HAO2: variants seen among roughly 807,000 people sequenced by gnomAD.
HAO2 encodes hydroxyacid oxidase 2.
HAO2 carries 42 observed loss-of-function variants against 37.4 expected under a neutral mutation model. The ratio of observed to expected loss-of-function variants is 1.12; its 90% confidence interval spans 0.88 to 1.45. The LOEUF is 1.45. HAO2 is among the 40% of genes most tolerant of loss of function. The probability of loss-of-function intolerance (pLI) is 0.00; values close to 1 mark genes in which losing one functional copy is unlikely to be tolerated. For synonymous variants in HAO2, 180 were observed against 162.8 expected (o/e 1.11, Z -0.81); for missense variants, 476 against 430.2 (o/e 1.11, Z -0.94).
In HAO2 at chr1:119,388,105, G is replaced by T. The variant is rs115329859; in HGVS notation, c.771+1274G>T. Among the ~76,000 whole-genome samples the T allele has an allele frequency of 2.7e-3, 407 of 152,296 alleles. 4 individuals are homozygous for T. The highest frequency in any genetic ancestry group is 9.4e-3 in the African/African-American group (392 of 41,570). On this transcript the variant is annotated intron_variant, in intron 5 of 7. Coordinates refer to ENST00000325945, the MANE Select transcript of HAO2 (RefSeq NM_016527.4). ...CACCTATTGACCTGCAAACTTAGGA[G>T]AAAGTGGTTGGGCTGAGCACACACT... is the stretch of plus-strand genomic sequence containing the variant.
intron 1 of HAO2, chr1:119,380,841 C>A: frequency 1.4e-6 from 1 of 740,728 alleles, no homozygotes; most frequent in Non-Finnish European, 2.3e-6. Flanking sequence ...ACTCAGAAGG[C>A]CAAATAATCA....
chr1:119,392,361 T>A, intron 6 of HAO2, 93 bp downstream of exon 6: 1 of 1,085,988 alleles, frequency 9.2e-7, no homozygotes, highest in Non-Finnish European at 1.4e-6. Flanking sequence ...TTAGACATTT[T>A]CAAAATGATT....
chr1:119,383,898 A>G (rs1406907302), intron 3 of HAO2, among the ~76,000 whole-genome samples: 2 of 152,198 alleles, frequency 1.3e-5, no homozygotes, highest in African/African-American at 4.8e-5. Context: ...AGGTTGAGAT[A>G]TTAATATCCT....
At chr1:119,379,291 T>C (rs1158680409) in intron 1 of HAO2, among the ~76,000 whole-genome samples, 7 of 152,136 alleles carry the variant, frequency 4.6e-5, no homozygotes. Flanking sequence ...GAGAAGCAAA[T>C]GTTCATCATA....
Position 119,384,817 on chromosome 1 carries a change from G to T in HAO2, c.325G>T (p.Ala109Ser), listed in dbSNP as rs1159393076. ...TATCTGCTACATCACCAGCACATTT[G>T]CCAGCTGTAGCCTTGAAGACATTGT... is the stretch of plus-strand genomic sequence containing the variant. ...AGICYITSTF[A>S]SCSLEDIVIA... The change falls in exon 4 of 8, where the codon GCC becomes TCC. Residue 109 changes from alanine to serine, a missense_variant. Physicochemically the swap from Ala to Ser is moderately conservative, Grantham distance 99 (BLOSUM62 1). Coordinates refer to ENST00000325945, the MANE Select transcript of HAO2 (RefSeq NM_016527.4). 4.3e-6 allele frequency: 7 copies of T among 1,613,890 alleles called. No homozygotes were observed. The highest frequency in any genetic ancestry group is 5.9e-6 in the Non-Finnish European group (7 of 1,179,864).
intron 4 of HAO2, 23 bp downstream of exon 4, chr1:119,385,076 T>A: frequency 1.3e-6 from 2 of 1,598,898 alleles, no homozygotes; most frequent in Non-Finnish European, 1.7e-6. Flanking sequence ...CCAAATTCGA[T>A]GGACAGGCAT....
At chr1:119,383,148 T>C in intron 3 of HAO2, 82 bp downstream of exon 3, 2 of 973,402 alleles carry the variant, frequency 2.1e-6, no homozygotes, top group Non-Finnish European at 3.1e-6. Flanking sequence ...AGATTCTCTC[T>C]AGAAGGGCCT....
At chr1:119,385,782 C>G (rs1650335905) in intron 4 of HAO2, 1 of 985,170 alleles carries the variant, frequency 1.0e-6, no homozygotes, top group Non-Finnish European at 1.2e-6. Context: ...AGCCAAGTAA[C>G]TCAACAGTTC....
intron 1 of HAO2, among the ~76,000 whole-genome samples, chr1:119,377,395 T>C (rs1649554455): frequency 6.6e-6 from 1 of 152,206 alleles, no homozygotes; most frequent in Non-Finnish European, 1.5e-5. Context: ...TCCATATTAC[T>C]ATCAAAATTT....
chr1:119,386,773 T>C lies in HAO2; in HGVS notation c.713T>C (p.Val238Ala). The change falls in exon 5 of 8, where the codon GTC becomes GCC. Residue 238 changes from valine (V) to alanine (A), a missense_variant. Physicochemically the swap from Val to Ala is moderately conservative, Grantham distance 64. Transcript: ENST00000325945. Reference sequence around the variant, plus strand: ...GCAGAGTTAGCTGTGAAGCACAATGTCCAGGGTATCATTGTTTCCAACCAT... The same window carrying C: ...GCAGAGTTAGCTGTGAAGCACAATGCCCAGGGTATCATTGTTTCCAACCAT... ...EDAELAVKHN[V>A]QGIIVSNHGG... 1 of 1,613,628 alleles carries C rather than the reference T, an allele frequency of 6.2e-7. No individual in the cohort carries two copies. Among genetic ancestry groups the C allele is most frequent in the Non-Finnish European group, 8.5e-7 (1 of 1,179,568 alleles).
Position 119,381,195 on chromosome 1 carries a change from A to G in HAO2, c.110A>G (p.Asp37Gly), listed in dbSNP as rs766773321. The G allele has an allele frequency of 6.2e-7, 1 of 1,611,880 alleles. No individual in the cohort carries two copies. Among genetic ancestry groups the G allele is most frequent in the East Asian group, 2.2e-5 (1 of 44,860 alleles). ...GGADDSITRD[D>G]NIAAFKRIRL... ...GCAGATGACAGCATCACGCGGGATG[A>G]CAACATTGCAGCATTTAAAAGGTGT... The change falls in exon 2 of 8, where the codon GAC (aspartate) becomes GGC (glycine). Residue 37 changes from aspartate (D) to glycine (G), a missense_variant. Transcript: ENST00000325945.
intron 5 of HAO2, among the ~76,000 whole-genome samples, chr1:119,387,044 C>T (rs1407967707): frequency 2.6e-5 from 4 of 152,176 alleles, no homozygotes; most frequent in African/African-American, 9.7e-5. Context: ...CATATAGCAT[C>T]TCTAAGTCTC....
intron 1 of HAO2, among the ~76,000 whole-genome samples, chr1:119,375,717 C>T (rs1649399876): frequency 6.6e-6 from 1 of 152,066 alleles, no homozygotes; most frequent in Non-Finnish European, 1.5e-5. Flanking sequence ...GCTGAAGGGG[C>T]CTCACAATTA....
At chr1:119,371,453 G>A (rs587727254) in intron 1 of HAO2, among the ~76,000 whole-genome samples, 2 of 152,206 alleles carry the variant, frequency 1.3e-5, no homozygotes, top group African/African-American at 4.8e-5. Flanking sequence ...TTAACTTTCT[G>A]ATTGAGTTAT....
chr1:119,376,212 C>G (rs1649454265), intron 1 of HAO2, among the ~76,000 whole-genome samples: 1 of 152,122 alleles, frequency 6.6e-6, no homozygotes, highest in South Asian at 2.1e-4. Flanking sequence ...ACCGCCATTC[C>G]AAATGGGAGA....
intron 3 of HAO2, among the ~76,000 whole-genome samples, chr1:119,384,373 T>G (rs1053927635): frequency 6.6e-6 from 1 of 152,194 alleles, no homozygotes; most frequent in Admixed American, 6.5e-5. Context: ...TTTTCCACCA[T>G]GAAGTTCAGG....
At chr1:119,379,863 C>T (rs1649778505) in intron 1 of HAO2, among the ~76,000 whole-genome samples, 1 of 152,146 alleles carries the variant, frequency 6.6e-6, no homozygotes, top group East Asian at 1.9e-4. Flanking sequence ...CTTGAGGTAT[C>T]CTCAAGCAAG....
chr1:119,374,152 C>T (rs1196697198), intron 1 of HAO2, among the ~76,000 whole-genome samples: 6 of 152,208 alleles, frequency 3.9e-5, no homozygotes, highest in Non-Finnish European at 8.8e-5. Context: ...AATTCTTCCC[C>T]CTGCCCTCTC....
intron 3 of HAO2, among the ~76,000 whole-genome samples, chr1:119,383,427 G>T (rs1570775972): frequency 6.6e-6 from 1 of 152,328 alleles, no homozygotes; most frequent in East Asian, 1.9e-4. Context: ...CCCCTGATGG[G>T]CCAGGGCTAG....
Sources: allele counts gnomAD v4.1 joint callset (sites outside exome capture counted in the v4.1 genomes callset), GRCh38; gene constraint gnomAD v4.1.1; transcripts MANE v1.5; gene names NCBI Gene and HGNC (gene_info 2026-07-23, HGNC 2026-07-21).